PCDHA9: variants seen among roughly 807,000 people sequenced by gnomAD.
PCDHA9 encodes the protein protocadherin alpha-9.
In PCDHA9, 62 loss-of-function variants were observed where a neutral mutation model predicts 62.0. The observed-to-expected ratio is 1.00, with a 90% CI of 0.81 to 1.23. The LOEUF (loss-of-function observed/expected upper bound fraction) is 1.23. Ranked by LOEUF, PCDHA9 falls within the 50% of genes most tolerant of loss-of-function variation. PCDHA9 has a pLI of 0.00. For synonymous variants in PCDHA9, 557 were observed against 567.6 expected (o/e 0.98, Z 0.27); for missense variants, 1,205 against 1,249.8 (o/e 0.96, Z 0.54).
intron 1 of PCDHA9, among the ~76,000 whole-genome samples, chr5:140,950,920 T>TTTCTGCTACTTTTAACTG (rs1554219690): frequency 2.6e-5 from 4 of 152,202 alleles, no homozygotes; most frequent in African/African-American, 9.6e-5. Context: ...TTATTTCAGT[T>TTTCTGCTACTTTTAACTG]CTTTTTCTTT....
intron 1 of PCDHA9, among the ~76,000 whole-genome samples, chr5:140,942,855 A>G (rs1323763970): frequency 6.6e-6 from 1 of 152,110 alleles, no homozygotes; most frequent in African/African-American, 2.4e-5. Flanking sequence ...TAAGATGATT[A>G]TTTTGCTTTA....
At chr5:140,909,850 C>T (rs181576128) in intron 1 of PCDHA9, among the ~76,000 whole-genome samples, 30 of 152,294 alleles carry the variant, frequency 2.0e-4, no homozygotes, top group Admixed American at 5.9e-4. Flanking sequence ...AGGACGTTTT[C>T]GGTCCCCTGG....
chr5:141,006,350 T>G (rs1254086807), intron 3 of PCDHA9, among the ~76,000 whole-genome samples: 2 of 152,086 alleles, frequency 1.3e-5, no homozygotes, highest in Non-Finnish European at 2.9e-5. Flanking sequence ...TAGCTGGGAC[T>G]ATAGGCGCCC....
At chr5:140,889,503 C>G (rs2062252341) in intron 1 of PCDHA9, among the ~76,000 whole-genome samples, 2 of 151,950 alleles carry the variant, frequency 1.3e-5, no homozygotes, top group Admixed American at 1.3e-4. Context: ...AGTGATATTT[C>G]CCTTTCCATT....
At chr5:140,993,894 A>G (rs1267639459) in intron 3 of PCDHA9, among the ~76,000 whole-genome samples, 2 of 152,204 alleles carry the variant, frequency 1.3e-5, no homozygotes, top group African/African-American at 4.8e-5. Flanking sequence ...TGATGTCCAT[A>G]CAACAAAAAT....
At chr5:140,869,392 G>A in intron 1 of PCDHA9, 1 of 1,614,164 alleles carries the variant, frequency 6.2e-7, no homozygotes, top group Non-Finnish European at 8.5e-7. Context: ...GGAGCTGTGC[G>A]GGCAGAGCGC....
Position 140,994,560 on chromosome 5 carries a change from C to T in PCDHA9, c.2542+11997C>T, listed in dbSNP as rs140191916. Among the ~76,000 whole-genome samples, 970 of 152,032 alleles carry T rather than the reference C, an allele frequency of 6.4e-3. 14 individuals carry two copies. Among genetic ancestry groups the T allele is most frequent in the African/African-American group, 0.023 (943 of 41,474 alleles). On this transcript the variant is annotated intron_variant, in intron 3 of 3. Coordinates refer to ENST00000532602, the MANE Select transcript of PCDHA9 (RefSeq NM_031857.2). ...TCTACAAAAAAAATATAAAAATTAG[C>T]CGGGTGTGGTGGCATGCACTTGTAG...
At chr5:140,912,523 A>G (rs550105639) in intron 1 of PCDHA9, among the ~76,000 whole-genome samples, 1 of 152,248 alleles carries the variant, frequency 6.6e-6, no homozygotes, top group East Asian at 1.9e-4. Context: ...TAGGGTTTTC[A>G]GAGTACATGA....
At chr5:140,953,551 T>C (rs565115779) in intron 1 of PCDHA9, among the ~76,000 whole-genome samples, 1 of 152,240 alleles carries the variant, frequency 6.6e-6, no homozygotes, top group East Asian at 1.9e-4. Flanking sequence ...GATTCTTTTC[T>C]CCAAGTTTTA....
chr5:140,854,556 T>C (rs1400864251), intron 1 of PCDHA9: 1 of 150,002 alleles, frequency 6.7e-6, no homozygotes, highest in African/African-American at 2.4e-5. Flanking sequence ...TTCATAAATA[T>C]TGTTGCTCTG....
At chr5:140,853,340 G>A (rs1398968821) in intron 1 of PCDHA9, 1 of 983,496 alleles carries the variant, frequency 1.0e-6, no homozygotes, top group East Asian at 1.1e-4. Flanking sequence ...GAGGTCATTA[G>A]CAAACATGAA....
chr5:140,876,511 G>A lies in PCDHA9; in HGVS notation c.2394+25622G>A, dbSNP rs559810221. 2.4e-4 allele frequency: 380 copies of A among 1,614,076 alleles called. 4 individuals carry two copies. The South Asian group carries it at 3.9e-3, about 16-fold the overall frequency. ...GGAAGTTCTGGACGTGAATGACAATGTCCCTGAAGTAATGGTTACTTCACT... is the reference window on the plus strand; with the variant it reads ...GGAAGTTCTGGACGTGAATGACAATATCCCTGAAGTAATGGTTACTTCACT... On this transcript the variant is annotated intron_variant, in intron 1 of 3. Coordinates refer to ENST00000532602, the MANE Select transcript of PCDHA9 (RefSeq NM_031857.2).
intron 1 of PCDHA9, chr5:140,883,195 T>G (rs781816525): frequency 6.2e-7 from 1 of 1,613,904 alleles, no homozygotes; most frequent in Non-Finnish European, 8.5e-7. Flanking sequence ...GCAAACTAGA[T>G]TTCGAAGAAA....
intron 1 of PCDHA9, among the ~76,000 whole-genome samples, chr5:140,935,276 T>TA (rs1447867343): frequency 6.6e-6 from 1 of 152,226 alleles, no homozygotes; most frequent in African/African-American, 2.4e-5. Flanking sequence ...ACTAATCTAA[T>TA]AAAGTTCAGC....
intron 1 of PCDHA9, chr5:140,876,170 T>C (rs781910243): frequency 6.2e-7 from 1 of 1,613,982 alleles, no homozygotes; most frequent in African/African-American, 1.3e-5. Context: ...ATAACCGTCC[T>C]GGATGTGAAT....
intron 1 of PCDHA9, among the ~76,000 whole-genome samples, chr5:140,977,003 T>G (rs1382476176): frequency 6.6e-6 from 1 of 152,248 alleles, no homozygotes; most frequent in Non-Finnish European, 1.5e-5. Flanking sequence ...AGAAATCTTG[T>G]AACTGTGATT....
intron 1 of PCDHA9, chr5:140,863,394 G>A (rs1342756414): frequency 2.2e-6 from 2 of 929,190 alleles, no homozygotes; most frequent in South Asian, 1.3e-5. Context: ...CGTGCATGCC[G>A]GGCAAGCCCA....
chr5:140,858,481 T>C (rs782180300), intron 1 of PCDHA9: 5 of 1,507,736 alleles, frequency 3.3e-6, no homozygotes, highest in Non-Finnish European at 4.5e-6. Flanking sequence ...TTATGAATAA[T>C]ATTTTCTCTT....
chr5:140,867,681 A>G (rs759356211), intron 1 of PCDHA9: 2 of 152,096 alleles, frequency 1.3e-5, no homozygotes, highest in African/African-American at 2.4e-5. Flanking sequence ...ATTTTGTTGC[A>G]TCTTCTTTTT....
Sources: gnomAD v4.1 joint callset for allele counts (sites outside exome capture counted in the v4.1 genomes callset) on GRCh38, gnomAD v4.1.1 for gene constraint, MANE v1.5 for transcripts, NCBI Gene and HGNC (gene_info 2026-07-23, HGNC 2026-07-21) for gene names.